Variants in ZNF654 observed in about 807,000 individuals in gnomAD.
ZNF654 encodes melanoma-associated antigen.
ZNF654 carries 19 observed loss-of-function variants against 95.3 expected under a neutral mutation model. The ratio of observed to expected loss-of-function variants is 0.20; its 90% CI spans 0.14 to 0.29. The LOEUF is 0.29. Ranked by LOEUF, ZNF654 falls within the 10% of genes least tolerant of loss-of-function variation. The pLI is 1.00. For synonymous variants in ZNF654, 413 were observed against 457.9 expected (o/e 0.90, Z 1.25); for missense variants, 1,046 against 1,341.0 (o/e 0.78, Z 3.44).
chr3:88,108,115 T>C (rs1704856142), intron 2 of ZNF654, among the ~76,000 whole-genome samples: 1 of 152,236 alleles, frequency 6.6e-6, no homozygotes, highest in African/African-American at 2.4e-5. Context: ...TTGGGACCAA[T>C]ATTAGTTAAA....
intron 1 of ZNF654, among the ~76,000 whole-genome samples, chr3:88,081,736 C>G (rs990279331): frequency 1.3e-5 from 2 of 152,134 alleles, no homozygotes; most frequent in Admixed American, 1.3e-4. Context: ...ACAACAAGTT[C>G]CAGGCTCATC....
chr3:88,118,033 A>G (rs907890888), intron 3 of ZNF654, among the ~76,000 whole-genome samples: 3 of 152,118 alleles, frequency 2.0e-5, no homozygotes, highest in Non-Finnish European at 4.4e-5. Context: ...TTTTAATAAT[A>G]AGGGAAAAAA....
intron 6 of ZNF654, among the ~76,000 whole-genome samples, chr3:88,133,400 G>A (rs1236506164): frequency 6.6e-6 from 1 of 152,062 alleles, no homozygotes; most frequent in African/African-American, 2.4e-5. Context: ...ATTAATGGTT[G>A]GGGAAATAGG....
chr3:88,069,566 A>G (rs1429036756), intron 1 of ZNF654, among the ~76,000 whole-genome samples: 2 of 152,216 alleles, frequency 1.3e-5, no homozygotes, highest in Non-Finnish European at 1.5e-5. Flanking sequence ...AAACAGGACA[A>G]TGTTTGCTTA....
chr3:88,061,358 T>A (rs1405803608), intron 1 of ZNF654, among the ~76,000 whole-genome samples: 1 of 152,192 alleles, frequency 6.6e-6, no homozygotes, highest in African/African-American at 2.4e-5. Flanking sequence ...TGAAGTTGAC[T>A]ACTTTATGAC....
At chr3:88,060,222 C>T (rs756349393) in intron 1 of ZNF654, among the ~76,000 whole-genome samples, 2 of 151,972 alleles carry the variant, frequency 1.3e-5, no homozygotes, top group Non-Finnish European at 2.9e-5. Context: ...ACATCACCAA[C>T]CCCCCTCATC....
chr3:88,086,544 C>G (rs193063040), intron 2 of ZNF654, 142 bp downstream of exon 2: 2 of 767,674 alleles, frequency 2.6e-6, no homozygotes, highest in Non-Finnish European at 1.9e-6. Context: ...CTGAAGTATT[C>G]AGGTTTAATT....
intron 6 of ZNF654, among the ~76,000 whole-genome samples, chr3:88,132,511 T>C (rs1706526574): frequency 6.6e-6 from 1 of 152,166 alleles, no homozygotes; most frequent in African/African-American, 2.4e-5. Flanking sequence ...GGTTTTTGTT[T>C]TCCTTCAGAA....
intron 1 of ZNF654, among the ~76,000 whole-genome samples, chr3:88,070,540 C>G (rs1707447587): frequency 6.8e-6 from 1 of 147,100 alleles, no homozygotes; most frequent in Non-Finnish European, 1.5e-5. Context: ...CTATACGCCA[C>G]TGTGGCAAAG....
chr3:88,097,362 G>GTT (rs762086335), intron 2 of ZNF654, among the ~76,000 whole-genome samples: 9 of 143,808 alleles, frequency 6.3e-5, no homozygotes, highest in African/African-American at 1.0e-4. Context: ...TTTGTCAACA[G>GTT]TTTTTTTTTT....
At chr3:88,103,648 G>T (rs1704561565) in intron 2 of ZNF654, among the ~76,000 whole-genome samples, 1 of 151,656 alleles carries the variant, frequency 6.6e-6, no homozygotes, top group African/African-American at 2.4e-5. Flanking sequence ...GAGAAAAAAA[G>T]ACATGATCCA....
chr3:88,120,715 TG>T (rs2107798175), intron 3 of ZNF654, among the ~76,000 whole-genome samples: 1 of 152,304 alleles, frequency 6.6e-6, no homozygotes, highest in South Asian at 2.1e-4. Context: ...CTTACGCACA[TG>T]TACTCATACT....
At chr3:88,112,635 A>G (rs1207698242) in intron 2 of ZNF654, among the ~76,000 whole-genome samples, 1 of 152,072 alleles carries the variant, frequency 6.6e-6, no homozygotes, top group Admixed American at 6.6e-5. Flanking sequence ...ATGCTATAAT[A>G]TAAATGTTGG....
intron 4 of ZNF654, among the ~76,000 whole-genome samples, chr3:88,126,715 C>G (rs1232400661): frequency 6.6e-6 from 1 of 150,996 alleles, no homozygotes; most frequent in Non-Finnish European, 1.5e-5. Flanking sequence ...ACTGCATATC[C>G]TATAGCTAGC....
chr3:88,070,697 C>T (rs564300911), intron 1 of ZNF654, among the ~76,000 whole-genome samples: 6 of 151,310 alleles, frequency 4.0e-5, no homozygotes, highest in Admixed American at 2.6e-4. Flanking sequence ...GGCCCATAAG[C>T]TACTTTTTGG....
intron 1 of ZNF654, among the ~76,000 whole-genome samples, chr3:88,060,839 C>G (rs1337675851): frequency 6.6e-6 from 1 of 151,720 alleles, no homozygotes; most frequent in Non-Finnish European, 1.5e-5. Flanking sequence ...AATTCCCTTA[C>G]AAGCATTGAA....
chr3:88,115,281 T>TC (rs1705322828), intron 3 of ZNF654, among the ~76,000 whole-genome samples: 2 of 152,278 alleles, frequency 1.3e-5, no homozygotes, highest in African/African-American at 2.4e-5. Flanking sequence ...AACTTCTCTT[T>TC]CCCCCCGCTG....
chr3:88,121,081 T>C (rs1559724130), intron 3 of ZNF654, among the ~76,000 whole-genome samples: 1 of 151,816 alleles, frequency 6.6e-6, no homozygotes, highest in Admixed American at 6.6e-5. Flanking sequence ...AGCACATGTA[T>C]CCCAGAACTT....
At chr3:88,067,999 A>C (rs2107603902) in intron 1 of ZNF654, among the ~76,000 whole-genome samples, 1 of 152,250 alleles carries the variant, frequency 6.6e-6, no homozygotes, top group East Asian at 1.9e-4. Context: ...CTATATTATA[A>C]GACCCCTGAA....
Sources: allele counts gnomAD v4.1 joint callset (sites outside exome capture counted in the v4.1 genomes callset), GRCh38; gene constraint gnomAD v4.1.1; transcripts MANE v1.5; gene names NCBI Gene and HGNC (gene_info 2026-07-23, HGNC 2026-07-21).